The following GRM8 variants were observed in gnomAD, a reference collection of about 807,000 sequenced individuals.
The protein encoded by GRM8 is metabotropic glutamate receptor 8.
A neutral mutation model predicts 87.2 loss-of-function variants in GRM8; 47 were observed. That is an observed-to-expected ratio of 0.54 (90% CI 0.43 to 0.69). The LOEUF is 0.69. GRM8 is among the 30% of genes least tolerant of loss of function. The pLI is 0.00. For missense variants in GRM8, 1,019 were observed against 1,139.2 expected, an observed-to-expected ratio of 0.89 and a Z score of 1.52; for synonymous variants, 396 against 404.5, an observed-to-expected ratio of 0.98 and a Z score of 0.25.
chr7:127,029,721 T>C (rs997161611), intron 3 of GRM8, among the ~76,000 whole-genome samples: 1 of 152,106 alleles, frequency 6.6e-6, no homozygotes, highest in Non-Finnish European at 1.5e-5. Flanking sequence ...TTTGAGCCTA[T>C]GTTTGTCTTT....
rs1296114825 is a variant in GRM8 at position 127,125,051 on chromosome 7, C to T, written c.511-18339G>A. On this transcript the variant is annotated intron_variant, in intron 2 of 10. Coordinates refer to ENST00000339582, the MANE Select transcript of GRM8 (RefSeq NM_000845.3). ...TGAAAAAATACATCTAAAATCATACCTAGTGGTGAAAGGCTCAATGCTTTT... is the reference window on the plus strand; with the variant it reads ...TGAAAAAATACATCTAAAATCATACTTAGTGGTGAAAGGCTCAATGCTTTT... Among the ~76,000 whole-genome samples the T allele has an allele frequency of 4.6e-5, 7 of 152,124 alleles. No individual in the cohort carries two copies. The East Asian group carries it at 9.6e-4, about 21-fold the overall frequency.
chr7:127,032,027 T>C (rs1223514211), intron 3 of GRM8, among the ~76,000 whole-genome samples: 1 of 152,178 alleles, frequency 6.6e-6, no homozygotes, highest in Admixed American at 6.5e-5. Context: ...TTAGCTCTTC[T>C]AGAAAGAAAA....
intron 6 of GRM8, among the ~76,000 whole-genome samples, chr7:126,845,698 A>G (rs552864762): frequency 5.8e-4 from 88 of 152,338 alleles, no homozygotes; most frequent in African/African-American, 2.1e-3. Context: ...CTTTGTTGGG[A>G]ACTTATATAT....
intron 6 of GRM8, among the ~76,000 whole-genome samples, chr7:126,886,065 A>T (rs1391414598): frequency 6.6e-6 from 1 of 152,138 alleles, no homozygotes; most frequent in African/African-American, 2.4e-5. Context: ...AGGTACAATG[A>T]CGTTCAGCTT....
intron 3 of GRM8, among the ~76,000 whole-genome samples, chr7:127,034,789 C>A (rs767925487): frequency 1.3e-5 from 2 of 152,000 alleles, no homozygotes; most frequent in Non-Finnish European, 1.5e-5. Context: ...ATCATGGAGA[C>A]AAAATTGGTT....
At chr7:126,584,983 A>G (rs1366067593) in intron 8 of GRM8, among the ~76,000 whole-genome samples, 1 of 152,186 alleles carries the variant, frequency 6.6e-6, no homozygotes, top group Admixed American at 6.5e-5. Flanking sequence ...TAAAATAAAT[A>G]ACCCAATTGA....
chr7:127,238,292 C>A (rs563871879), intron 2 of GRM8, among the ~76,000 whole-genome samples: 1 of 146,824 alleles, frequency 6.8e-6, no homozygotes, highest in Non-Finnish European at 1.5e-5. Context: ...AGCTGATATA[C>A]GATGTGTGTG....
chr7:127,155,618 A>C (rs916325155), intron 2 of GRM8, among the ~76,000 whole-genome samples: 1 of 152,182 alleles, frequency 6.6e-6, no homozygotes, highest in African/African-American at 2.4e-5. Flanking sequence ...TGCAGGAAAC[A>C]AAAAGAAAAG....
intron 8 of GRM8, among the ~76,000 whole-genome samples, chr7:126,542,921 T>C (rs73224950): frequency 2.6e-5 from 4 of 152,268 alleles, no homozygotes; most frequent in East Asian, 3.9e-4. Flanking sequence ...GAAGATAGGA[T>C]AGATTTGAGA....
chr7:126,748,981 C>A (rs1816058724), intron 7 of GRM8, among the ~76,000 whole-genome samples: 1 of 151,950 alleles, frequency 6.6e-6, no homozygotes. Context: ...TTAAAATTAC[C>A]CTTCACTGGC....
chr7:126,681,269 C>A (rs879610109), intron 7 of GRM8, among the ~76,000 whole-genome samples: 1 of 152,174 alleles, frequency 6.6e-6, no homozygotes, highest in Non-Finnish European at 1.5e-5. Context: ...ATAGGTATCT[C>A]ATGATTTAGC....
At chr7:126,949,989 T>G (rs1807960979) in intron 3 of GRM8, among the ~76,000 whole-genome samples, 1 of 152,170 alleles carries the variant, frequency 6.6e-6, no homozygotes, top group South Asian at 2.1e-4. Context: ...GAAGTTGAGG[T>G]TAATTCCCTC....
chr7:126,500,093 T>A (rs554604523), intron 9 of GRM8, among the ~76,000 whole-genome samples: 18 of 152,056 alleles, frequency 1.2e-4, no homozygotes, highest in African/African-American at 3.1e-4. Flanking sequence ...AAGTCCACTC[T>A]TTCAGCCATT....
intron 6 of GRM8, among the ~76,000 whole-genome samples, chr7:126,808,073 T>C (rs547465217): frequency 6.6e-6 from 1 of 152,196 alleles, no homozygotes; most frequent in South Asian, 2.1e-4. Context: ...AATTCAATCA[T>C]GCAAACAGAG....
At chr7:126,990,670 T>G (rs1812570422) in intron 3 of GRM8, among the ~76,000 whole-genome samples, 1 of 152,242 alleles carries the variant, frequency 6.6e-6, no homozygotes, top group African/African-American at 2.4e-5. Context: ...CTGTGTGACC[T>G]TGGGCAACTT....
intron 7 of GRM8, among the ~76,000 whole-genome samples, chr7:126,709,145 G>A (rs1810846230): frequency 6.6e-6 from 1 of 152,032 alleles, no homozygotes; most frequent in African/African-American, 2.4e-5. Context: ...TATTTCCAAA[G>A]AAAATAGACA....
rs1294094980 is a variant in GRM8 at position 127,053,799 on chromosome 7, G to GGC, written c.727+52696_727+52697insGC. ...CGAGACTCTGTCTCAAAAAAAAAAAGGGGGGGGGGAATATACATTTCATCT... is the reference window on the plus strand; with the variant it reads ...CGAGACTCTGTCTCAAAAAAAAAAAGGCGGGGGGGGGAATATACATTTCATCT... On this transcript the variant is annotated intron_variant, in intron 3 of 10. Transcript: ENST00000339582. Among the ~76,000 whole-genome samples the GGC allele has an allele frequency of 4.2e-4, 8 of 18,942 alleles. No individual in the cohort carries two copies. In the South Asian group the frequency reaches 7.6e-3, roughly 18 times the overall value. 12.4% of individuals were successfully genotyped at this position (18,942 alleles called of 152,430 possible).
In GRM8 at chr7:126,563,023, T is replaced by C. The variant is rs1005297130; in HGVS notation, c.1495-29136A>G. ...AACAAATGTATCCAAGCTGTTTCCG[T>C]ACTGCCCATTGTACAATATGTGGAT... On this transcript the variant is annotated intron_variant, in intron 8 of 10. Coordinates refer to ENST00000339582, the MANE Select transcript of GRM8 (RefSeq NM_000845.3). Among the ~76,000 whole-genome samples, 5 of 152,336 alleles carry C rather than the reference T, an allele frequency of 3.3e-5. No homozygotes were observed. The East Asian group carries it at 9.6e-4, about 29-fold the overall frequency.
chr7:126,657,591 T>TCTCA (rs1277898087), intron 7 of GRM8, among the ~76,000 whole-genome samples: 9 of 152,264 alleles, frequency 5.9e-5, no homozygotes, highest in Non-Finnish European at 1.5e-5. Context: ...CTTCTATCAC[T>TCTCA]CTCAGCTTCT....
Sources: allele counts gnomAD v4.1 joint callset (sites outside exome capture counted in the v4.1 genomes callset), GRCh38; gene constraint gnomAD v4.1.1; transcripts MANE v1.5; gene names NCBI Gene and HGNC (gene_info 2026-07-23, HGNC 2026-07-21).